VEGFA: variants seen among roughly 807,000 people sequenced by gnomAD.
The protein encoded by VEGFA is vascular endothelial growth factor A, long form.
In VEGFA, 20 loss-of-function variants were observed where a neutral mutation model predicts 49.7. The observed-to-expected ratio is 0.40, with a 90% CI of 0.28 to 0.58. The LOEUF is 0.58. Ranked by LOEUF, VEGFA falls within the 20% of genes least tolerant of loss-of-function variation. The pLI is 0.40. For missense variants in VEGFA, 505 were observed against 553.5 expected, an observed-to-expected ratio of 0.91 and a Z score of 0.88; for synonymous variants, 219 against 223.4, an observed-to-expected ratio of 0.98 and a Z score of 0.18.
At chr6:43,779,005 C>T in intron 5 of VEGFA, 87 bp downstream of exon 5, 1 of 1,554,320 alleles carries the variant, frequency 6.4e-7, no homozygotes, top group South Asian at 1.1e-5. Context: ...TGGGGGCTCC[C>T]ATAGCCTCCC....
chr6:43,784,101 TC>T (rs1466552182), intron 7 of VEGFA: 5 of 256,626 alleles, frequency 1.9e-5, no homozygotes, highest in East Asian at 9.7e-5. Context: ...CCCACTCTCT[TC>T]CCCACACCAG....
chr6:43,778,520 A>C lies in VEGFA; in HGVS notation c.916A>C (p.Asn306His), dbSNP rs1412676860. 2.5e-6 allele frequency: 4 copies of C among 1,614,010 alleles called. No homozygotes were observed. Among genetic ancestry groups the C allele is most frequent in the Non-Finnish European group, 3.4e-6 (4 of 1,179,964 alleles). Residue 306 changes from asparagine to histidine, a missense_variant, in exon 4 of 8, where the codon AAC (asparagine) becomes CAC (histidine). By Grantham distance (68) the Asn-to-His change is moderately conservative. Around this residue, in one of 2 missense-constraint regions of VEGFA, gnomAD observed 165 missense variants for 231.7 expected, o/e 0.71. Coordinates refer to ENST00000672860, the MANE Select transcript of VEGFA (RefSeq NM_003376.6). ...AGGAGAGATGAGCTTCCTACAGCAC[A>C]ACAAATGTGAATGCAGGTGAGGATG...
Position 43,777,206 on chromosome 6 carries a change from C to A in VEGFA, c.659-263C>A. ...CAGTTCAGCTGTCACAGTGAGGTGG[C>A]GGGATCAGATGTGGCAGGCCATGTC... is the stretch of plus-strand genomic sequence containing the variant. On this transcript the variant is annotated intron_variant, in intron 2 of 7. Coordinates refer to ENST00000672860, the MANE Select transcript of VEGFA (RefSeq NM_003376.6). The surrounding 1 kb of genome is among the most constrained non-coding windows in gnomAD (Gnocchi z 4.3). 1.8e-6 allele frequency: 1 copy of A among 540,700 alleles called. No homozygotes were observed. Among genetic ancestry groups the A allele is most frequent in the African/African-American group, 1.9e-5 (1 of 53,234 alleles). The allele number at this position is 540,700 out of a possible 1,614,324, so 33.5% of individuals were successfully genotyped here.
chr6:43,783,239 G>T, intron 7 of VEGFA: 1 of 152,452 alleles, frequency 6.6e-6, no homozygotes. Context: ...AGTCAGGGAG[G>T]CAAGACTTTG....
intron 7 of VEGFA, chr6:43,783,300 T>C (rs3025032): frequency 0.72 from 109,213 of 152,160 alleles, 39,521 homozygotes; most frequent in East Asian, 0.93. Context: ...CCCGAGGCTG[T>C]GTTAGGGAAG....
chr6:43,778,349 C>T, intron 3 of VEGFA, 111 bp from the exon 4 acceptor site: 1 of 910,990 alleles, frequency 1.1e-6, no homozygotes. Flanking sequence ...CACCACCCAT[C>T]CCTGCTCTGC....
At position 43,784,771 on chromosome 6, in the gene VEGFA, G is replaced by C; in HGVS notation, c.*209G>C. 1 of 871,456 alleles carries C rather than the reference G, an allele frequency of 1.1e-6. No homozygotes were observed. Among genetic ancestry groups the C allele is most frequent in the Non-Finnish European group, 1.9e-6 (1 of 529,104 alleles). The allele number at this position is 871,456 out of a possible 1,614,324, so 54.0% of individuals were successfully genotyped here. Reference sequence around the variant, plus strand: ...GGGTCCGGAGGGCGAGACTCCGGCGGAAGCATTCCCGGGCGGGTGACCCAG... The same window carrying C: ...GGGTCCGGAGGGCGAGACTCCGGCGCAAGCATTCCCGGGCGGGTGACCCAG... On this transcript the variant is annotated 3_prime_UTR_variant, in exon 8 of 8. Transcript: ENST00000672860.
At chr6:43,780,682 T>TCCCCCCCCCCCCCCCCCCC in intron 5 of VEGFA, 50 bp from the exon 6 acceptor site, 1 of 1,580,994 alleles carries the variant, frequency 6.3e-7, no homozygotes, top group East Asian at 2.3e-5. Flanking sequence ...CTTCTTTTAC[T>TCCCCCCCCCCCCCCCCCCC]CCCCCCACCG....
chr6:43,784,355 C>T (rs1337924862), intron 7 of VEGFA, 186 bp from the exon 8 acceptor site: 6 of 671,192 alleles, frequency 8.9e-6, no homozygotes, highest in South Asian at 1.6e-5. Flanking sequence ...TCCCTGAGGG[C>T]AGGGCTGGGG....
intron 1 of VEGFA, 131 bp from the exon 2 acceptor site, chr6:43,774,210 G>C: frequency 1.1e-6 from 1 of 933,698 alleles, no homozygotes; most frequent in Admixed American, 1.9e-5. Context: ...TGTCCTGTTC[G>C]ACTCAGAAGA....
Position 43,770,229 on chromosome 6 carries a change from C to T in VEGFA, c.-478C>T, listed in dbSNP as rs1763189678. 8.2e-6 allele frequency: 2 copies of T among 244,526 alleles called. No individual in the cohort carries two copies. The highest frequency in any genetic ancestry group is 5.7e-5 in the East Asian group (1 of 17,394). 15.1% of individuals were successfully genotyped at this position (244,526 alleles called of 1,614,324 possible). On this transcript the variant is annotated 5_prime_UTR_variant, in exon 1 of 8. Transcript: ENST00000672860. ...GAGGATCGCGGAGGCTTGGGGCAGC[C>T]GGGTAGCTCGGAGGTCGTGGCGCTG... is the stretch of plus-strand genomic sequence containing the variant.
intron 5 of VEGFA, 77 bp from the exon 6 acceptor site, chr6:43,780,655 C>CAA: frequency 1.3e-6 from 2 of 1,534,200 alleles, no homozygotes; most frequent in Non-Finnish European, 1.8e-6. Flanking sequence ...GTTCCCCCAT[C>CAA]CCTGCCCACC....
In VEGFA at chr6:43,770,357, T is replaced by A. The variant is rs1340828994; in HGVS notation, c.-350T>A. ...GGTGCTGGAATTTGATATTCATTGA[T>A]CCGGGTTTTATCCCTCTTCTTTTTT... On this transcript the variant is annotated 5_prime_UTR_variant, in exon 1 of 8. Transcript: ENST00000672860. 3 of 315,262 alleles carry A rather than the reference T, an allele frequency of 9.5e-6. No individual in the cohort carries two copies. The highest frequency in any genetic ancestry group is 1.1e-5 in the Non-Finnish European group (2 of 174,830). The allele number at this position is 315,262 out of a possible 1,614,324, so 19.5% of individuals were successfully genotyped here. A position where few individuals can be genotyped will look rare whatever the true frequency, so the allele number is the denominator to read the frequency against.
rs76837798 is a variant in VEGFA, at chr6:43,779,663, C to T, written c.962+745C>T. The T allele has an allele frequency of 1.1e-5, 5 of 465,980 alleles. No individual in the cohort carries two copies. In the East Asian group the frequency reaches 2.0e-4, roughly 19 times the overall value. 28.9% of individuals were successfully genotyped at this position (465,980 alleles called of 1,614,324 possible). A position where few individuals can be genotyped will look rare whatever the true frequency, so the allele number is the denominator to read the frequency against. On this transcript the variant is annotated intron_variant, in intron 5 of 7. Coordinates refer to ENST00000672860, the MANE Select transcript of VEGFA (RefSeq NM_003376.6). ...GCTGTGCGGACATTGAAGCCCCCAC[C>T]AGGCCTCAACCCCTTGCCTCTTCCC...
Position 43,782,107 on chromosome 6 carries a change from G to A in VEGFA, c.1166+20G>A, listed in dbSNP as rs1430094890. On this transcript the variant is annotated intron_variant, in intron 7 of 7. Coordinates refer to ENST00000672860, the MANE Select transcript of VEGFA (RefSeq NM_003376.6). Reference sequence around the variant, plus strand: ...TTGCAGGTTGGTTCCCAGAGGGCAAGCAAGTCAGAGAGGGGCATCACACAG... The same window carrying A: ...TTGCAGGTTGGTTCCCAGAGGGCAAACAAGTCAGAGAGGGGCATCACACAG... 1 of 1,612,682 alleles carries A rather than the reference G, an allele frequency of 6.2e-7. No homozygotes were observed. Among genetic ancestry groups the A allele is most frequent in the East Asian group, 2.2e-5 (1 of 44,872 alleles).
Position 43,771,404 on chromosome 6 carries a change from T to A in VEGFA, c.606+92T>A, listed in dbSNP as rs889676562. On this transcript the variant is annotated intron_variant, in intron 1 of 7. Coordinates refer to ENST00000672860, the MANE Select transcript of VEGFA (RefSeq NM_003376.6). ...TGCGAGCGCGCGCGTGGGGGCTCCG[T>A]GCCCCACGCGGGTCCATGGGCACCA... The A allele has an allele frequency of 3.1e-6, 4 of 1,288,066 alleles. No homozygotes were observed. In the Admixed American group the frequency reaches 8.1e-5, roughly 26 times the overall value. 79.8% of individuals were successfully genotyped at this position (1,288,066 alleles called of 1,614,324 possible).
At chr6:43,771,981 C>T (rs1056039372) in intron 1 of VEGFA, 3 of 984,490 alleles carry the variant, frequency 3.0e-6, no homozygotes, top group Non-Finnish European at 3.6e-6. Flanking sequence ...GAGCCGATTA[C>T]ATCAGCCCGG....
chr6:43,778,109 G>A (rs979065909), intron 3 of VEGFA: 6 of 469,970 alleles, frequency 1.3e-5, no homozygotes, highest in African/African-American at 1.2e-4. Flanking sequence ...ACAGGGAGGG[G>A]GTTGCTTTCG....
chr6:43,784,505 G>C, intron 7 of VEGFA, 36 bp from the exon 8 acceptor site: 1 of 1,612,344 alleles, frequency 6.2e-7, no homozygotes, highest in Non-Finnish European at 8.5e-7. Context: ...TCCTCACTTG[G>C]CCCTAACCCC....
Sources: gnomAD v4.1 joint callset for allele counts on GRCh38, gnomAD v4.1.1 for gene constraint, gnomAD v4.1.1 regional missense constraint, Gnocchi (gnomAD v3.1) non-coding constraint, MANE v1.5 for transcripts, NCBI Gene and HGNC (gene_info 2026-07-23, HGNC 2026-07-21) for gene names.